HPCAL1: variants seen among roughly 807,000 people sequenced by gnomAD.
HPCAL1 encodes the protein hippocalcin like 1.
In HPCAL1, 8 loss-of-function variants were observed where a neutral mutation model predicts 17.1. That is an observed-to-expected ratio of 0.47 (90% CI 0.27 to 0.84). HPCAL1 has a LOEUF of 0.84. Ranked by LOEUF, HPCAL1 falls within the 40% of genes least tolerant of loss-of-function variation. The pLI, the probability that HPCAL1 is intolerant of heterozygous loss-of-function variation, is 0.13. For missense variants in HPCAL1, 165 were observed against 271.1 expected, an observed-to-expected ratio of 0.61 and a Z score of 2.75; for synonymous variants, 112 against 111.4, an observed-to-expected ratio of 1.01 and a Z score of -0.03.
chr2:10,314,062 C>G (rs1394867029), intron 1 of HPCAL1, among the ~76,000 whole-genome samples: 1 of 150,312 alleles, frequency 6.7e-6, no homozygotes, highest in African/African-American at 2.5e-5. Flanking sequence ...ACCCAGGAGG[C>G]AGAGGTTGCA....
chr2:10,392,779 C>T (rs1668787913), intron 1 of HPCAL1, among the ~76,000 whole-genome samples: 1 of 152,174 alleles, frequency 6.6e-6, no homozygotes, highest in South Asian at 2.1e-4. Context: ...CAGCCCCTGG[C>T]CTTGCCACCT....
intron 1 of HPCAL1, among the ~76,000 whole-genome samples, chr2:10,349,430 G>A (rs1028272275): frequency 6.6e-6 from 1 of 151,854 alleles, no homozygotes; most frequent in African/African-American, 2.4e-5. Context: ...TATAGACGCC[G>A]GGCACGGTGG....
At position 10,362,371 on chromosome 2, in the gene HPCAL1, G is replaced by A. The variant is rs1407875186; in HGVS notation, c.-110-34464G>A. ...TCCAGGGAGGGCCACATGACAGCAA[G>A]CAGAGCCTCGAATGCCTGAGTCCTG... On this transcript the variant is annotated intron_variant, in intron 1 of 4. Coordinates refer to ENST00000307845, the MANE Select transcript of HPCAL1 (RefSeq NM_002149.4). This position sits in a 1 kb window ranked among gnomAD's most constrained non-coding sequence, Gnocchi z 5.0. Among the ~76,000 whole-genome samples the A allele has an allele frequency of 1.3e-5, 2 of 152,154 alleles. No homozygotes were observed. Among genetic ancestry groups the A allele is most frequent in the Non-Finnish European group, 2.9e-5 (2 of 68,028 alleles).
At chr2:10,385,861 G>A (rs960392303) in intron 1 of HPCAL1, among the ~76,000 whole-genome samples, 2 of 152,130 alleles carry the variant, frequency 1.3e-5, no homozygotes, top group African/African-American at 2.4e-5. Flanking sequence ...TGCCCTGGAC[G>A]CCTGGTTCCA....
At chr2:10,389,662 G>A (rs975547036) in intron 1 of HPCAL1, among the ~76,000 whole-genome samples, 2 of 152,232 alleles carry the variant, frequency 1.3e-5, no homozygotes, top group African/African-American at 2.4e-5. Flanking sequence ...GTAAGGCTTC[G>A]TGTCTGACTT....
At chr2:10,372,775 G>T (rs1212466721) in intron 1 of HPCAL1, among the ~76,000 whole-genome samples, 1 of 152,240 alleles carries the variant, frequency 6.6e-6, no homozygotes, top group Non-Finnish European at 1.5e-5. Context: ...AGCTGTTCCT[G>T]TTCCCTGCCC....
intron 2 of HPCAL1, among the ~76,000 whole-genome samples, chr2:10,398,687 C>A (rs955826261): frequency 4.9e-4 from 75 of 152,184 alleles, no homozygotes; most frequent in Admixed American, 3.1e-3. Context: ...TCCCCTGCCC[C>A]GCCCTTAGAT....
intron 1 of HPCAL1, among the ~76,000 whole-genome samples, chr2:10,307,285 C>A (rs541368444): frequency 6.6e-6 from 1 of 152,194 alleles, no homozygotes; most frequent in Non-Finnish European, 1.5e-5. Context: ...TCCCAGATTT[C>A]GCCTCAGTAC....
chr2:10,425,600 G>C (rs897470131), intron 4 of HPCAL1: 1 of 152,304 alleles, frequency 6.6e-6, no homozygotes, highest in African/African-American at 2.4e-5. Flanking sequence ...CTTTGAGATG[G>C]GTGTTCCCAT....
intron 3 of HPCAL1, among the ~76,000 whole-genome samples, chr2:10,421,402 G>C (rs1671055077): frequency 6.6e-6 from 1 of 152,134 alleles, no homozygotes; most frequent in South Asian, 2.1e-4. Flanking sequence ...GTGCCTCCCT[G>C]AGCCCAGGAG....
In HPCAL1 at chr2:10,323,598, A is replaced by G. The variant is rs1663809269; in HGVS notation, c.-111+20421A>G. On this transcript the variant is annotated intron_variant, in intron 1 of 4. Coordinates refer to ENST00000307845, the MANE Select transcript of HPCAL1 (RefSeq NM_002149.4). This position sits in a 1 kb window ranked among gnomAD's most constrained non-coding sequence, Gnocchi z 4.6. ...GAGCTGGCCCCATCTCTCACAGCCC[A>G]GTGGTGTACTACCTTAGGTAAGCAC... Among the ~76,000 whole-genome samples, 1 of 152,200 alleles carries G rather than the reference A, an allele frequency of 6.6e-6. No homozygotes were observed. The highest frequency in any genetic ancestry group is 2.1e-4 in the South Asian group (1 of 4,832).
chr2:10,374,661 T>C (rs1667432588), intron 1 of HPCAL1, among the ~76,000 whole-genome samples: 1 of 152,226 alleles, frequency 6.6e-6, no homozygotes, highest in Admixed American at 6.5e-5. Context: ...AGCATGTGGT[T>C]CTGAGAAGGC....
chr2:10,426,927 C>G lies in HPCAL1; in HGVS notation c.*106C>G. ...CAATCGTTCCTGCTCTCCCGGGCCCCGGGCCTGGGGCATGCGTTGCACCTG... is the reference window on the plus strand; with the variant it reads ...CAATCGTTCCTGCTCTCCCGGGCCCGGGGCCTGGGGCATGCGTTGCACCTG... On this transcript the variant is annotated 3_prime_UTR_variant, in exon 5 of 5. Coordinates refer to ENST00000307845, the MANE Select transcript of HPCAL1 (RefSeq NM_002149.4). 1.8e-6 allele frequency: 2 copies of G among 1,092,766 alleles called. No individual in the cohort carries two copies. Among genetic ancestry groups the G allele is most frequent in the Non-Finnish European group, 1.4e-6 (1 of 732,034 alleles). The allele number at this position is 1,092,766 out of a possible 1,614,324, so 67.7% of individuals were successfully genotyped here.
rs906769665 is a variant in HPCAL1 at position 10,377,565 on chromosome 2, C to T, written c.-110-19270C>T. The stretch of plus-strand genomic sequence containing the variant: ...TCTTCCACCCTCTGTCGGCAGGGCC[C>T]CTGCCACCTCTGAAGCCCCCTGCCA... On this transcript the variant is annotated intron_variant, in intron 1 of 4. Transcript: ENST00000307845. This position sits in a 1 kb window ranked among gnomAD's most constrained non-coding sequence, Gnocchi z 5.9. Among the ~76,000 whole-genome samples, 1 of 152,116 alleles carries T rather than the reference C, an allele frequency of 6.6e-6. No homozygotes were observed. Among genetic ancestry groups the T allele is most frequent in the South Asian group, 2.1e-4 (1 of 4,826 alleles).
intron 1 of HPCAL1, among the ~76,000 whole-genome samples, chr2:10,361,170 G>A (rs1194637857): frequency 2.0e-5 from 3 of 149,704 alleles, no homozygotes; most frequent in Non-Finnish European, 4.4e-5. Flanking sequence ...GGTTTTCCAG[G>A]CGAGTCCGTG....
In HPCAL1 at chr2:10,304,835, G is replaced by A. The variant is rs1360164703; in HGVS notation, c.-111+1658G>A. Among the ~76,000 whole-genome samples the A allele has an allele frequency of 6.6e-6, 1 of 152,218 alleles. No individual in the cohort carries two copies. Among genetic ancestry groups the A allele is most frequent in the African/African-American group, 2.4e-5 (1 of 41,452 alleles). ...GAGCCAAGATCTCACCAGTGCAGGA[G>A]GCTCTCAAAATGGAGCGCCGGCATG... On this transcript the variant is annotated intron_variant, in intron 1 of 4. Transcript: ENST00000307845. The surrounding 1 kb of genome is among the most constrained non-coding windows in gnomAD (Gnocchi z 4.1).
At chr2:10,329,741 C>T (rs1271217219) in intron 1 of HPCAL1, among the ~76,000 whole-genome samples, 1 of 152,250 alleles carries the variant, frequency 6.6e-6, no homozygotes, top group African/African-American at 2.4e-5. Context: ...GATCCCAGCC[C>T]TGCCCAGGCC....
chr2:10,317,175 T>C (rs930418286), intron 1 of HPCAL1, among the ~76,000 whole-genome samples: 1 of 152,254 alleles, frequency 6.6e-6, no homozygotes, highest in African/African-American at 2.4e-5. Context: ...AATTAAGTTT[T>C]TCTAAACACA....
chr2:10,349,933 C>T (rs1665736646), intron 1 of HPCAL1, among the ~76,000 whole-genome samples: 1 of 152,010 alleles, frequency 6.6e-6, no homozygotes, highest in Non-Finnish European at 1.5e-5. Context: ...GTTTCTGTTT[C>T]TGTCAAGTAA....
Sources: gnomAD v4.1 joint callset for allele counts (sites outside exome capture counted in the v4.1 genomes callset) on GRCh38, gnomAD v4.1.1 for gene constraint, Gnocchi (gnomAD v3.1) non-coding constraint, MANE v1.5 for transcripts, NCBI Gene and HGNC (gene_info 2026-07-23, HGNC 2026-07-21) for gene names.